SOX5: variants seen among roughly 807,000 people sequenced by gnomAD.
SOX5 encodes transcription factor SOX-5.
SOX5 carries 9 observed loss-of-function variants against 92.0 expected under a neutral mutation model. That is an observed-to-expected ratio of 0.10 (90% CI 0.06 to 0.17). The LOEUF (loss-of-function observed/expected upper bound fraction) is 0.17. Among genes scored for constraint, SOX5 ranks in the 10% least tolerant of loss-of-function variants. The probability of loss-of-function intolerance (pLI) is 1.00; values close to 1 mark genes in which losing one functional copy is unlikely to be tolerated. For synonymous variants in SOX5, 344 were observed against 336.3 expected (o/e 1.02, Z -0.25); for missense variants, 642 against 944.5 (o/e 0.68, Z 4.20).
chr12:24,253,203 G>A (rs1478859985), intron 3 of SOX5, among the ~76,000 whole-genome samples: 1 of 150,276 alleles, frequency 6.7e-6, no homozygotes, highest in African/African-American at 2.4e-5. Context: ...TTTTGTTTGA[G>A]AAAAAGATTA....
intron 4 of SOX5, among the ~76,000 whole-genome samples, chr12:24,102,649 C>T (rs189452491): frequency 1.8e-4 from 27 of 152,270 alleles, no homozygotes; most frequent in African/African-American, 6.5e-4. Flanking sequence ...CAGGGCACTA[C>T]CATGTCATTG....
At chr12:23,808,055 C>A (rs980801591) in intron 3 of SOX5, among the ~76,000 whole-genome samples, 13 of 151,978 alleles carry the variant, frequency 8.6e-5, no homozygotes, top group Middle Eastern at 6.8e-3. Flanking sequence ...CAATAGTTAC[C>A]AGAATATGTG....
rs543025408 is a variant in SOX5, at chr12:24,209,325, A to G, written c.-2+4018T>C. Among the ~76,000 whole-genome samples, 69 of 152,340 alleles carry G rather than the reference A, an allele frequency of 4.5e-4. 1 individual carries two copies. The highest frequency in any genetic ancestry group is 1.6e-3 in the African/African-American group (66 of 41,582). ...ATGAATATGTGAAGTGGAAGTAGGCATGCCCTCTCCAAAAAATAATGTCAA... is the reference window on the plus strand; with the variant it reads ...ATGAATATGTGAAGTGGAAGTAGGCGTGCCCTCTCCAAAAAATAATGTCAA... On this transcript the variant is annotated intron_variant, in intron 4 of 4. Coordinates refer to the SOX5 transcript ENST00000446891.
intron 8 of SOX5, among the ~76,000 whole-genome samples, chr12:23,636,746 G>A (rs1364649345): frequency 6.6e-6 from 1 of 152,108 alleles, no homozygotes; most frequent in Non-Finnish European, 1.5e-5. Context: ...TTGTATTAAT[G>A]TCAATTAGTC....
In SOX5 at chr12:24,294,485, G is replaced by T. The variant is rs139809194; in HGVS notation, c.-173-17173C>A. Among the ~76,000 whole-genome samples the T allele has an allele frequency of 3.4e-3, 516 of 152,208 alleles. 5 individuals carry two copies. Among genetic ancestry groups the T allele is most frequent in the African/African-American group, 0.012 (490 of 41,516 alleles). On this transcript the variant is annotated intron_variant, in intron 2 of 4. Coordinates refer to the SOX5 transcript ENST00000446891. Reference sequence around the variant, plus strand: ...TGTTTCCACTTCTGGAACTCAGAGGGGGCTATTTCATAAGCAAATGTGAAT... The same window carrying T: ...TGTTTCCACTTCTGGAACTCAGAGGTGGCTATTTCATAAGCAAATGTGAAT...
chr12:23,689,288 TG>T (rs1279052608), intron 6 of SOX5, among the ~76,000 whole-genome samples: 2 of 143,272 alleles, frequency 1.4e-5, no homozygotes, highest in Admixed American at 6.7e-5. Context: ...TAGATTTTTT[TG>T]TTGTTGTTGT....
intron 4 of SOX5, among the ~76,000 whole-genome samples, chr12:24,068,333 C>G (rs1026523766): frequency 4.6e-5 from 7 of 151,966 alleles, no homozygotes; most frequent in Admixed American, 3.9e-4. Flanking sequence ...ATTTGGAACC[C>G]TGAGCCAAAA....
At chr12:23,782,839 G>A (rs1384953547) in intron 3 of SOX5, among the ~76,000 whole-genome samples, 2 of 152,050 alleles carry the variant, frequency 1.3e-5, no homozygotes, top group Non-Finnish European at 2.9e-5. Flanking sequence ...CCTGAACTTG[G>A]ATGAAGCAAA....
At chr12:23,700,003 T>C (rs113507577) in intron 6 of SOX5, among the ~76,000 whole-genome samples, 4 of 152,080 alleles carry the variant, frequency 2.6e-5, no homozygotes, top group Non-Finnish European at 5.9e-5. Flanking sequence ...GAAGAAATGA[T>C]GGGTGCAATT....
intron 3 of SOX5, among the ~76,000 whole-genome samples, chr12:24,217,885 T>C (rs1411439482): frequency 6.6e-6 from 1 of 152,176 alleles, no homozygotes; most frequent in African/African-American, 2.4e-5. Flanking sequence ...ATGCTCAATA[T>C]CATTATCCAT....
chr12:24,295,027 G>A (rs973770799), intron 2 of SOX5, among the ~76,000 whole-genome samples: 5 of 151,958 alleles, frequency 3.3e-5, no homozygotes, highest in Admixed American at 1.3e-4. Flanking sequence ...TTATATTCGC[G>A]ATAAGAAATA....
intron 4 of SOX5, among the ~76,000 whole-genome samples, chr12:24,206,685 C>T (rs1311473046): frequency 3.9e-5 from 6 of 152,172 alleles, no homozygotes; most frequent in Non-Finnish European, 8.8e-5. Context: ...CCTTCTCCAC[C>T]TTCCACCTTG....
chr12:23,674,401 G>A (rs894603867), intron 6 of SOX5, among the ~76,000 whole-genome samples: 2 of 132,568 alleles, frequency 1.5e-5, no homozygotes, highest in African/African-American at 2.9e-5. Flanking sequence ...GCATCAGCAC[G>A]ATCTCGGCTC....
At chr12:23,615,325 A>G (rs2076425916) in intron 8 of SOX5, among the ~76,000 whole-genome samples, 1 of 151,976 alleles carries the variant, frequency 6.6e-6, no homozygotes, top group African/African-American at 2.4e-5. Context: ...AGAATTACTT[A>G]TATATTTGAG....
intron 4 of SOX5, among the ~76,000 whole-genome samples, chr12:24,196,989 A>G (rs1227833149): frequency 6.6e-6 from 1 of 152,212 alleles, no homozygotes; most frequent in Non-Finnish European, 1.5e-5. Context: ...GAAGTTAAAA[A>G]CATACTTCTT....
At chr12:23,643,074 G>A (rs565375367) in intron 7 of SOX5, among the ~76,000 whole-genome samples, 1,626 of 86,612 alleles carry the variant, frequency 0.019, 111 homozygotes, top group South Asian at 0.034. Context: ...GCGACAGAGC[G>A]AGACTCCGTC....
At chr12:24,327,382 A>T (rs1289623557) in intron 2 of SOX5, among the ~76,000 whole-genome samples, 1 of 123,076 alleles carries the variant, frequency 8.1e-6, no homozygotes, top group African/African-American at 3.0e-5. Flanking sequence ...AGAGCAATGG[A>T]GACTTTTTTT....
At chr12:23,765,586 G>C (rs1373984923) in intron 3 of SOX5, among the ~76,000 whole-genome samples, 1 of 151,894 alleles carries the variant, frequency 6.6e-6, no homozygotes, top group Non-Finnish European at 1.5e-5. Context: ...CATTCTTAAT[G>C]ATAAAGGCAG....
At chr12:23,748,506 A>C (rs1406164521) in intron 4 of SOX5, among the ~76,000 whole-genome samples, 1 of 152,060 alleles carries the variant, frequency 6.6e-6, no homozygotes, top group Non-Finnish European at 1.5e-5. Context: ...GCTTGAAATC[A>C]AATCATCAAA....
Sources: gnomAD v4.1 joint callset for allele counts (sites outside exome capture counted in the v4.1 genomes callset) on GRCh38, gnomAD v4.1.1 for gene constraint, MANE v1.5 for transcripts, NCBI Gene and HGNC (gene_info 2026-07-23, HGNC 2026-07-21) for gene names.